PCDHA6: variants seen among roughly 807,000 people sequenced by gnomAD.
PCDHA6 encodes protocadherin alpha 6, also known as protocadherin alpha-6.
Under a neutral mutation model 60.3 loss-of-function variants are expected in PCDHA6, and 55 were observed. The observed-to-expected ratio is 0.91, with a 90% CI of 0.73 to 1.14. The LOEUF is 1.14. Ranked by LOEUF, PCDHA6 falls within the 50% of genes most tolerant of loss-of-function variation. The pLI is 0.00. For missense variants in PCDHA6, 1,327 were observed against 1,256.5 expected (o/e 1.06, Z -0.85); for synonymous variants, 652 against 557.9 (o/e 1.17, Z -2.38).
chr5:140,897,361 G>A (rs1455815825), intron 1 of PCDHA6, among the ~76,000 whole-genome samples: 1 of 123,218 alleles, frequency 8.1e-6, no homozygotes, highest in Non-Finnish European at 1.6e-5. Context: ...TGTCCCCAGA[G>A]TGTGATGTTC....
At chr5:140,833,459 T>TAA (rs1554133849) in intron 1 of PCDHA6, among the ~76,000 whole-genome samples, 3 of 152,166 alleles carry the variant, frequency 2.0e-5, no homozygotes, top group Non-Finnish European at 4.4e-5. Flanking sequence ...TAAAATAAAC[T>TAA]TACATTTTAA....
At position 141,012,295 on chromosome 5, in the gene PCDHA6, T is replaced by C. The variant is rs2098423507; in HGVS notation, c.*2358T>C. ...GTCATGTGGATTCATTTTGAATTGG[T>C]GCTATTGGTATTTCCTCTGTTATTG... On this transcript the variant is annotated 3_prime_UTR_variant, in exon 4 of 4. Coordinates refer to ENST00000529310, the MANE Select transcript of PCDHA6 (RefSeq NM_018909.4). 6.5e-6 allele frequency: 1 copy of C among 153,776 alleles called. No homozygotes were observed. The highest frequency in any genetic ancestry group is 2.4e-5 in the African/African-American group (1 of 41,466). 9.5% of individuals were successfully genotyped at this position (153,776 alleles called of 1,614,324 possible).
intron 3 of PCDHA6, among the ~76,000 whole-genome samples, chr5:141,004,899 C>A (rs898562164): frequency 4.6e-5 from 7 of 152,096 alleles, no homozygotes. Context: ...TCAGCTCTGC[C>A]AGGGTGTAAG....
intron 1 of PCDHA6, chr5:140,870,983 C>T (rs1554164955): frequency 1.2e-6 from 2 of 1,613,520 alleles, no homozygotes; most frequent in East Asian, 2.2e-5. Context: ...GGGCTGTACA[C>T]GGGCGAGATA....
chr5:140,925,337 AT>A (rs1197479455), intron 1 of PCDHA6, among the ~76,000 whole-genome samples: 1 of 152,072 alleles, frequency 6.6e-6, no homozygotes, highest in Non-Finnish European at 1.5e-5. Flanking sequence ...TAAAAGAAGG[AT>A]TTGAGTGAGG....
chr5:141,012,182 A>T lies in PCDHA6; in HGVS notation c.*2245A>T, dbSNP rs1334407628. On this transcript the variant is annotated 3_prime_UTR_variant, in exon 4 of 4. Coordinates refer to ENST00000529310, the MANE Select transcript of PCDHA6 (RefSeq NM_018909.4). ...CTAATTTATTAATGATGATAATTATAATGTATCTGTACAGCACTTTTTACA... is the reference window on the plus strand; with the variant it reads ...CTAATTTATTAATGATGATAATTATTATGTATCTGTACAGCACTTTTTACA... 6.5e-6 allele frequency: 1 copy of T among 153,776 alleles called. No homozygotes were observed. The highest frequency in any genetic ancestry group is 1.5e-5 in the Non-Finnish European group (1 of 68,050). 9.5% of individuals were successfully genotyped at this position (153,776 alleles called of 1,614,324 possible).
At chr5:140,965,436 G>A (rs1389592396) in intron 1 of PCDHA6, among the ~76,000 whole-genome samples, 1 of 152,038 alleles carries the variant, frequency 6.6e-6, no homozygotes, top group Non-Finnish European at 1.5e-5. Flanking sequence ...TGCAGTCATT[G>A]AAATTGCTGG....
intron 1 of PCDHA6, chr5:140,863,681 T>C (rs2048119190): frequency 6.8e-6 from 2 of 294,950 alleles, no homozygotes; most frequent in Non-Finnish European, 1.3e-5. Flanking sequence ...TTTTGCTTTT[T>C]CTTTTGAGAT....
chr5:140,989,085 C>T (rs1481898269), intron 3 of PCDHA6: 7 of 152,258 alleles, frequency 4.6e-5, no homozygotes, highest in Non-Finnish European at 7.4e-5. Context: ...CTCTGAAAAC[C>T]TTGTCAGGAG....
At chr5:140,931,852 G>A (rs1177917853) in intron 1 of PCDHA6, among the ~76,000 whole-genome samples, 1 of 151,728 alleles carries the variant, frequency 6.6e-6, no homozygotes, top group Admixed American at 6.6e-5. Flanking sequence ...AATAACAACA[G>A]GATTCTAGAA....
intron 1 of PCDHA6, chr5:140,927,568 A>G: frequency 1.9e-6 from 3 of 1,614,174 alleles, no homozygotes; most frequent in Non-Finnish European, 2.5e-6. Context: ...TGTGGTGGAC[A>G]CAAATGACAA....
At chr5:140,849,106 A>C (rs2150430593) in intron 1 of PCDHA6, 1 of 1,455,018 alleles carries the variant, frequency 6.9e-7, no homozygotes, top group South Asian at 1.2e-5. Flanking sequence ...GACAGAGAAG[A>C]AACTCCGGAG....
chr5:140,898,965 G>T (rs2067069000), intron 1 of PCDHA6, among the ~76,000 whole-genome samples: 1 of 152,044 alleles, frequency 6.6e-6, no homozygotes, highest in Non-Finnish European at 1.5e-5. Flanking sequence ...GTGAATGGGA[G>T]TTCACTCATG....
chr5:140,872,950 G>A lies in PCDHA6; in HGVS notation c.2394+42465G>A, dbSNP rs185090422. ...AATGTTTTTGAAATTTTCTTTCCAC[G>A]TAGTATCATCCCATCTGAAGATTTG... On this transcript the variant is annotated intron_variant, in intron 1 of 3. Transcript: ENST00000529310. Among the ~76,000 whole-genome samples, 445 of 152,104 alleles carry A rather than the reference G, an allele frequency of 2.9e-3. 2 individuals carry two copies. Among genetic ancestry groups the A allele is most frequent in the Middle Eastern group, 0.014 (4 of 294 alleles).
In PCDHA6 at chr5:140,848,354, C is replaced by T. The variant is rs1427419086; in HGVS notation, c.2394+17869C>T. The T allele has an allele frequency of 5.9e-6, 6 of 1,023,948 alleles. No homozygotes were observed. In the East Asian group the frequency reaches 7.1e-5, roughly 12 times the overall value. The allele number at this position is 1,023,948 out of a possible 1,614,324, so 63.4% of individuals were successfully genotyped here. On this transcript the variant is annotated intron_variant, in intron 1 of 3. Transcript: ENST00000529310. Reference sequence around the variant, plus strand: ...AATCCAGACAAATACAGCCCTTTTCCCATGGGAAAGAGGCTCAATTCTTTT... The same window carrying T: ...AATCCAGACAAATACAGCCCTTTTCTCATGGGAAAGAGGCTCAATTCTTTT...
chr5:140,867,215 C>T (rs989219715), intron 1 of PCDHA6: 14 of 152,216 alleles, frequency 9.2e-5, no homozygotes, highest in South Asian at 2.1e-4. Flanking sequence ...ACATCTTCAT[C>T]CCCAATTCCC....
intron 1 of PCDHA6, chr5:140,865,634 A>G (rs2048944722): frequency 6.6e-6 from 1 of 152,218 alleles, no homozygotes; most frequent in Non-Finnish European, 1.5e-5. Context: ...TCATGAAGGG[A>G]CTTAAATACA....
chr5:140,971,557 T>A (rs1483701815), intron 1 of PCDHA6, among the ~76,000 whole-genome samples: 5 of 152,150 alleles, frequency 3.3e-5, no homozygotes, highest in Non-Finnish European at 7.4e-5. Context: ...CCTGTTAAAT[T>A]CCCATGTTGG....
chr5:140,871,361 G>C (rs1554165481), intron 1 of PCDHA6: 4 of 1,614,220 alleles, frequency 2.5e-6, no homozygotes, highest in South Asian at 2.2e-5. Flanking sequence ...TCGCAGCAGA[G>C]GCGGCAGAGG....
Sources: gnomAD v4.1 joint callset for allele counts (sites outside exome capture counted in the v4.1 genomes callset) on GRCh38, gnomAD v4.1.1 for gene constraint, MANE v1.5 for transcripts, NCBI Gene and HGNC (gene_info 2026-07-23, HGNC 2026-07-21) for gene names.